NLGN1: variants seen among roughly 807,000 people sequenced by gnomAD.
NLGN1 encodes the protein neuroligin 1, also known as neuroligin-1.
NLGN1 carries 12 observed loss-of-function variants against 65.5 expected under a neutral mutation model. The ratio of observed to expected loss-of-function variants is 0.18; its 90% CI spans 0.12 to 0.30. The LOEUF (loss-of-function observed/expected upper bound fraction) is 0.30. Among genes scored for constraint, NLGN1 ranks in the 10% least tolerant of loss-of-function variants. The pLI is 1.00. For missense variants in NLGN1, 750 were observed against 1,007.1 expected, an observed-to-expected ratio of 0.74 and a Z score of 3.46; for synonymous variants, 350 against 359.5, an observed-to-expected ratio of 0.97 and a Z score of 0.30.
At chr3:173,805,054 C>T (rs187368548) in intron 3 of NLGN1, among the ~76,000 whole-genome samples, 4 of 152,036 alleles carry the variant, frequency 2.6e-5, no homozygotes, top group Admixed American at 2.6e-4. Flanking sequence ...TAAAATAAAG[C>T]CTAAGGTGGA....
intron 4 of NLGN1, among the ~76,000 whole-genome samples, chr3:173,905,295 A>C (rs1239792969): frequency 1.3e-5 from 2 of 152,186 alleles, no homozygotes; most frequent in Non-Finnish European, 2.9e-5. Context: ...TTAAATTTGC[A>C]ACTTCAGCTG....
chr3:174,160,127 A>T (rs1342480174), intron 4 of NLGN1, among the ~76,000 whole-genome samples: 2 of 151,588 alleles, frequency 1.3e-5, no homozygotes, highest in Non-Finnish European at 3.0e-5. Context: ...CATGCTCTAT[A>T]AACAGAAGCC....
chr3:174,124,166 T>C (rs1718366148), intron 4 of NLGN1, among the ~76,000 whole-genome samples: 1 of 152,130 alleles, frequency 6.6e-6, no homozygotes, highest in African/African-American at 2.4e-5. Flanking sequence ...ATTTTAATCT[T>C]AAACTTCCCA....
At chr3:174,096,013 A>ATAAG (rs578207500) in intron 4 of NLGN1, among the ~76,000 whole-genome samples, 175 of 151,926 alleles carry the variant, frequency 1.2e-3, no homozygotes, top group African/African-American at 4.0e-3. Context: ...AAATAAATAA[A>ATAAG]TAAATAAAAA....
chr3:173,527,213 C>T (rs1401938329), intron 2 of NLGN1, among the ~76,000 whole-genome samples: 2 of 152,166 alleles, frequency 1.3e-5, no homozygotes, highest in African/African-American at 2.4e-5. Flanking sequence ...CATATCCATG[C>T]CAGCATTTGT....
At chr3:173,612,536 T>A (rs2149475306) in intron 3 of NLGN1, among the ~76,000 whole-genome samples, 1 of 152,154 alleles carries the variant, frequency 6.6e-6, no homozygotes, top group Admixed American at 6.6e-5. Flanking sequence ...TCACTCCAAT[T>A]TCTAGCTCTG....
intron 4 of NLGN1, among the ~76,000 whole-genome samples, chr3:174,015,548 A>G (rs757785212): frequency 2.0e-5 from 3 of 152,162 alleles, no homozygotes; most frequent in Non-Finnish European, 4.4e-5. Context: ...TCCAAATACA[A>G]TGACTTCAAC....
chr3:174,028,715 A>T (rs1432479087), intron 4 of NLGN1, among the ~76,000 whole-genome samples: 2 of 152,244 alleles, frequency 1.3e-5, no homozygotes, highest in African/African-American at 4.8e-5. Flanking sequence ...TTCTGAGAAG[A>T]AATTCAAGCC....
At chr3:173,430,021 A>G (rs1007317534) in intron 1 of NLGN1, among the ~76,000 whole-genome samples, 78 of 152,298 alleles carry the variant, frequency 5.1e-4, no homozygotes, top group Middle Eastern at 3.4e-3. Flanking sequence ...CCCTACGGGC[A>G]TTTATGATGC....
chr3:173,865,580 A>T (rs553253628), intron 4 of NLGN1, among the ~76,000 whole-genome samples: 13 of 152,264 alleles, frequency 8.5e-5, no homozygotes, highest in East Asian at 1.9e-4. Flanking sequence ...ATAGATTTTT[A>T]AAAAAACAAC....
At chr3:173,764,631 A>C (rs1160563429) in intron 3 of NLGN1, among the ~76,000 whole-genome samples, 1 of 152,154 alleles carries the variant, frequency 6.6e-6, no homozygotes, top group African/African-American at 2.4e-5. Flanking sequence ...CCAAATTTCC[A>C]TTAGTCACAA....
intron 4 of NLGN1, among the ~76,000 whole-genome samples, chr3:173,952,959 A>G (rs1230272877): frequency 6.6e-6 from 1 of 152,048 alleles, no homozygotes; most frequent in African/African-American, 2.4e-5. Flanking sequence ...TTGTATCTTT[A>G]GTAGAGACGG....
chr3:173,650,934 T>TA (rs1759070811), intron 3 of NLGN1, among the ~76,000 whole-genome samples: 1 of 152,104 alleles, frequency 6.6e-6, no homozygotes, highest in Non-Finnish European at 1.5e-5. Context: ...ATTTTTTTTT[T>TA]TTATTATTTG....
At chr3:173,959,021 A>G (rs150692188) in intron 4 of NLGN1, among the ~76,000 whole-genome samples, 249 of 152,362 alleles carry the variant, frequency 1.6e-3, no homozygotes, top group African/African-American at 5.6e-3. Context: ...AGGCAGTGGA[A>G]GCAGGCACTT....
At chr3:173,817,866 A>G (rs1174207465) in intron 4 of NLGN1, among the ~76,000 whole-genome samples, 1 of 152,132 alleles carries the variant, frequency 6.6e-6, no homozygotes, top group East Asian at 1.9e-4. Context: ...TCTGGGAGGA[A>G]TTTGAGAAAA....
chr3:173,722,031 A>G (rs964094231), intron 3 of NLGN1, among the ~76,000 whole-genome samples: 2 of 152,074 alleles, frequency 1.3e-5, no homozygotes, highest in Admixed American at 1.3e-4. Context: ...GTCTGCTACA[A>G]AATTGTAAGT....
At chr3:173,785,370 C>T (rs1233476478) in intron 3 of NLGN1, among the ~76,000 whole-genome samples, 2 of 152,106 alleles carry the variant, frequency 1.3e-5, no homozygotes, top group African/African-American at 4.8e-5. Context: ...CAATACATTC[C>T]TTAATTTTCT....
intron 2 of NLGN1, among the ~76,000 whole-genome samples, chr3:173,534,275 T>A (rs1737087656): frequency 6.7e-6 from 1 of 150,218 alleles, no homozygotes; most frequent in Admixed American, 6.6e-5. Context: ...ATAAGTGTCC[T>A]CATTAATTTC....
chr3:173,706,738 GATATAGTTATCA>G lies in NLGN1; in HGVS notation c.494-100937_494-100926del, dbSNP rs565248000. On this transcript the variant is annotated intron_variant, in intron 3 of 6. Transcript: ENST00000457714. ...TACAGATATGAATATAGATCATATAGATATAGTTATCAATATGGTTACAGACATGGTTATACA... is the reference window on the plus strand; with the variant it reads ...TACAGATATGAATATAGATCATATAGATATGGTTACAGACATGGTTATACA... 1.3e-4 allele frequency among the ~76,000 whole-genome samples: 20 copies of G among 152,304 alleles called. No homozygotes were observed. The East Asian group carries it at 1.5e-3, about 12-fold the overall frequency.
Sources: gnomAD v4.1 joint callset for allele counts (sites outside exome capture counted in the v4.1 genomes callset) on GRCh38, gnomAD v4.1.1 for gene constraint, MANE v1.5 for transcripts, NCBI Gene and HGNC (gene_info 2026-07-23, HGNC 2026-07-21) for gene names.